AGBL4: variants seen among roughly 807,000 people sequenced by gnomAD.
The protein encoded by AGBL4 is cytosolic carboxypeptidase 6.
AGBL4 carries 58 observed loss-of-function variants against 66.4 expected under a neutral mutation model. The observed-to-expected ratio is 0.87, with a 90% confidence interval of 0.71 to 1.09. The LOEUF is 1.09. Among genes scored for constraint, AGBL4 ranks in the 50% least tolerant of loss-of-function variants. AGBL4 has a pLI of 0.00. For synonymous variants in AGBL4, 234 were observed against 222.9 expected (o/e 1.05, Z -0.44); for missense variants, 579 against 631.0 (o/e 0.92, Z 0.88).
At chr1:48,894,075 G>A (rs1325400630) in intron 5 of AGBL4, among the ~76,000 whole-genome samples, 1 of 152,186 alleles carries the variant, frequency 6.6e-6, no homozygotes, top group Non-Finnish European at 1.5e-5. Flanking sequence ...AAATACTTCC[G>A]TAGCTTTTGA....
intron 3 of AGBL4, among the ~76,000 whole-genome samples, chr1:49,284,362 C>G (rs1045945567): frequency 4.0e-5 from 6 of 151,710 alleles, no homozygotes; most frequent in Admixed American, 6.6e-5. Flanking sequence ...TAAAAGAGCT[C>G]CTGAAGGAAG....
intron 3 of AGBL4, among the ~76,000 whole-genome samples, chr1:49,282,291 T>C (rs759513076): frequency 6.6e-6 from 1 of 152,208 alleles, no homozygotes; most frequent in Non-Finnish European, 1.5e-5. Flanking sequence ...CTAAAGTCCA[T>C]GCTTTTTTGT....
At chr1:49,100,978 AAATT>A (rs1645190340) in intron 4 of AGBL4, among the ~76,000 whole-genome samples, 1 of 152,090 alleles carries the variant, frequency 6.6e-6, no homozygotes, top group South Asian at 2.1e-4. Context: ...ATTCAAGTCC[AAATT>A]AATGTCTAGG....
intron 1 of AGBL4, among the ~76,000 whole-genome samples, chr1:50,022,690 T>C (rs186178444): frequency 6.6e-6 from 1 of 151,050 alleles, no homozygotes; most frequent in East Asian, 2.0e-4. Context: ...AGTGGATCAC[T>C]CTTGTAATGA....
intron 4 of AGBL4, among the ~76,000 whole-genome samples, chr1:49,201,993 T>C (rs934147490): frequency 1.3e-5 from 2 of 152,066 alleles, no homozygotes; most frequent in African/African-American, 4.8e-5. Flanking sequence ...TGAGAATTCA[T>C]TATAGTAACA....
At chr1:49,419,955 T>C (rs2148640414) in intron 3 of AGBL4, among the ~76,000 whole-genome samples, 1 of 152,254 alleles carries the variant, frequency 6.6e-6, no homozygotes, top group South Asian at 2.1e-4. Flanking sequence ...GAAAATTTGT[T>C]AGAAGTGGAG....
intron 6 of AGBL4, among the ~76,000 whole-genome samples, chr1:48,782,162 G>A (rs1201927345): frequency 6.6e-6 from 1 of 152,192 alleles, no homozygotes. Flanking sequence ...GGAGACAGAG[G>A]CCTGCGAAGA....
chr1:48,753,287 A>G (rs1452939240), intron 6 of AGBL4, among the ~76,000 whole-genome samples: 5 of 152,364 alleles, frequency 3.3e-5, no homozygotes, highest in African/African-American at 1.2e-4. Flanking sequence ...GAGAAAACAG[A>G]CACCTGAGAA....
chr1:48,670,928 G>C (rs1646266714), intron 6 of AGBL4, among the ~76,000 whole-genome samples: 1 of 152,242 alleles, frequency 6.6e-6, no homozygotes, highest in African/African-American at 2.4e-5. Flanking sequence ...AAATAGGGTG[G>C]GGACAGACTC....
At chr1:49,240,059 A>G (rs775947688) in intron 4 of AGBL4, among the ~76,000 whole-genome samples, 6 of 152,018 alleles carry the variant, frequency 3.9e-5, no homozygotes, top group South Asian at 2.1e-4. Flanking sequence ...TTTGTTTTTA[A>G]TAATAGAGTA....
Position 49,705,464 on chromosome 1 carries a change from T to C in AGBL4, c.158-8027A>G, listed in dbSNP as rs996296873. ...GCCAGATGAGGGGATTTTCTAAATA[T>C]ACAGCCATGTCATCTGCAAACAGAG... On this transcript the variant is annotated intron_variant, in intron 2 of 13. Transcript: ENST00000371839. Among the ~76,000 whole-genome samples, 4 of 152,072 alleles carry C rather than the reference T, an allele frequency of 2.6e-5. No individual in the cohort carries two copies. The East Asian group carries it at 5.8e-4, about 22-fold the overall frequency.
chr1:49,980,296 G>A (rs1388309650), intron 1 of AGBL4, among the ~76,000 whole-genome samples: 1 of 152,014 alleles, frequency 6.6e-6, no homozygotes, highest in Non-Finnish European at 1.5e-5. Flanking sequence ...TGATTTTTAA[G>A]TCTATGTACA....
At chr1:49,251,620 C>T (rs528856067) in intron 3 of AGBL4, among the ~76,000 whole-genome samples, 6 of 152,218 alleles carry the variant, frequency 3.9e-5, no homozygotes, top group Non-Finnish European at 8.8e-5. Context: ...TCTTCACAAA[C>T]TTCATTGCCT....
At chr1:49,878,297 A>C (rs1322745505) in intron 1 of AGBL4, among the ~76,000 whole-genome samples, 1 of 149,436 alleles carries the variant, frequency 6.7e-6, no homozygotes, top group African/African-American at 2.5e-5. Flanking sequence ...GTGGGCATTT[A>C]GTGCTATAAA....
At chr1:49,666,839 T>C (rs944968304) in intron 3 of AGBL4, among the ~76,000 whole-genome samples, 2 of 152,142 alleles carry the variant, frequency 1.3e-5, no homozygotes, top group African/African-American at 4.8e-5. Flanking sequence ...GGTTAAATAA[T>C]TGGCTCAAGG....
At chr1:49,087,115 G>A (rs1276512484) in intron 4 of AGBL4, among the ~76,000 whole-genome samples, 1 of 151,636 alleles carries the variant, frequency 6.6e-6, no homozygotes, top group African/African-American at 2.4e-5. Flanking sequence ...AAATACTGAG[G>A]GAACATCAGC....
intron 5 of AGBL4, among the ~76,000 whole-genome samples, chr1:48,978,921 T>C (rs1659546101): frequency 6.6e-6 from 1 of 152,146 alleles, no homozygotes; most frequent in African/African-American, 2.4e-5. Flanking sequence ...AAGATACCTG[T>C]GCACTCAAGA....
intron 4 of AGBL4, among the ~76,000 whole-genome samples, chr1:49,066,318 C>A (rs1368190229): frequency 4.6e-5 from 7 of 152,158 alleles, no homozygotes; most frequent in Non-Finnish European, 7.3e-5. Context: ...CTTTGGGAGG[C>A]CAAGGTGGGC....
chr1:49,533,722 TA>T (rs1490263247), intron 3 of AGBL4, among the ~76,000 whole-genome samples: 1 of 152,180 alleles, frequency 6.6e-6, no homozygotes, highest in Non-Finnish European at 1.5e-5. Context: ...CAGATTTCTC[TA>T]GGATCCTATA....
Sources: allele counts gnomAD v4.1 joint callset (sites outside exome capture counted in the v4.1 genomes callset), GRCh38; gene constraint gnomAD v4.1.1; transcripts MANE v1.5; gene names NCBI Gene and HGNC (gene_info 2026-07-23, HGNC 2026-07-21).